Variants in FREM1 observed in about 807,000 individuals in gnomAD.
FREM1 encodes FRAS1 related extracellular matrix 1.
In FREM1, 220 loss-of-function variants were observed where a neutral mutation model predicts 210.1. That is an observed-to-expected ratio of 1.05 (90% CI 0.94 to 1.17). The LOEUF (loss-of-function observed/expected upper bound fraction) is 1.17, where lower values mean the gene tolerates loss of function less well. Ranked by LOEUF, FREM1 falls within the 50% of genes most tolerant of loss-of-function variation. FREM1 has a pLI of 0.00. For synonymous variants in FREM1, 1,189 were observed against 980.2 expected (o/e 1.21, Z -3.98); for missense variants, 3,454 against 2,675.5 (o/e 1.29, Z -6.42).
intron 10 of FREM1, among the ~76,000 whole-genome samples, chr9:14,825,757 C>T (rs1822331480): frequency 6.6e-6 from 1 of 151,788 alleles, no homozygotes; most frequent in African/African-American, 2.4e-5. Flanking sequence ...TCTCCACCCA[C>T]ATATAACACA....
At position 14,851,083 on chromosome 9, in the gene FREM1, C is replaced by T. The variant is rs551157667; in HGVS notation, c.1152+201G>A. Among the ~76,000 whole-genome samples the T allele has an allele frequency of 7.9e-5, 12 of 152,278 alleles. No homozygotes were observed. In the East Asian group the frequency reaches 2.3e-3, roughly 29 times the overall value. ...AGGGGATGGCTCTTTCTTCAGTTTG[C>T]CACAGTGCCCCTCAGTGGGGTTTGC... On this transcript the variant is annotated intron_variant, in intron 6 of 36. Coordinates refer to ENST00000380880, the MANE Select transcript of FREM1 (RefSeq NM_001379081.2).
At chr9:14,814,856 T>C (rs1820021779) in intron 15 of FREM1, among the ~76,000 whole-genome samples, 1 of 152,232 alleles carries the variant, frequency 6.6e-6, no homozygotes, top group Non-Finnish European at 1.5e-5. Context: ...AAGACCATCC[T>C]CTTGTGTTTA....
At chr9:14,824,157 T>C (rs757598241) in intron 11 of FREM1, 42 bp from the exon 12 acceptor site, 5 of 1,288,916 alleles carry the variant, frequency 3.9e-6, no homozygotes, top group Non-Finnish European at 5.5e-6. Flanking sequence ...CATTTTTAGG[T>C]AAGAAAAATG....
chr9:14,846,235 C>A, intron 7 of FREM1, 144 bp from the exon 8 acceptor site: 1 of 598,650 alleles, frequency 1.7e-6, no homozygotes, highest in Non-Finnish European at 2.9e-6. Context: ...TGGAAACCAT[C>A]ATCCTCAGCA....
At chr9:14,875,076 C>T (rs1833439636) in intron 1 of FREM1, among the ~76,000 whole-genome samples, 2 of 152,122 alleles carry the variant, frequency 1.3e-5, no homozygotes, top group Admixed American at 1.3e-4. Flanking sequence ...GATAACCCGA[C>T]CTTTCTCTCT....
At chr9:14,757,022 C>G (rs772234090) in intron 28 of FREM1, among the ~76,000 whole-genome samples, 3 of 152,098 alleles carry the variant, frequency 2.0e-5, no homozygotes, top group African/African-American at 7.2e-5. Flanking sequence ...TTTTGTGGAA[C>G]CGGAAGACCT....
At chr9:14,774,255 C>T (rs550579000) in intron 25 of FREM1, 9 of 470,018 alleles carry the variant, frequency 1.9e-5, no homozygotes, top group South Asian at 6.5e-5. Context: ...GATGGGATTA[C>T]GTTTACATCA....
chr9:14,741,272 A>G (rs967036681), intron 35 of FREM1, among the ~76,000 whole-genome samples: 3 of 152,330 alleles, frequency 2.0e-5, no homozygotes, highest in African/African-American at 7.2e-5. Context: ...TATTTTGCCT[A>G]TGTCTTTTCA....
intron 1 of FREM1, among the ~76,000 whole-genome samples, chr9:14,878,921 C>T (rs200393829): frequency 6.6e-6 from 1 of 151,872 alleles, no homozygotes; most frequent in Non-Finnish European, 1.5e-5. Context: ...TTGGGGAGGC[C>T]GAGGCAGGCA....
chr9:14,806,989 T>G (rs1188781212), intron 17 of FREM1, 143 bp from the exon 18 acceptor site: 1 of 538,598 alleles, frequency 1.9e-6, no homozygotes, highest in African/African-American at 1.9e-5. Context: ...TTCATTTTCT[T>G]TGGCATCATT....
intron 19 of FREM1, among the ~76,000 whole-genome samples, chr9:14,803,174 C>G (rs1817629883): frequency 7.3e-6 from 1 of 136,570 alleles, no homozygotes. Flanking sequence ...TTCTTTCTCT[C>G]TTTCCCTCCT....
intron 1 of FREM1, among the ~76,000 whole-genome samples, chr9:14,886,259 C>T (rs10118698): frequency 0.073 from 11,130 of 151,848 alleles, 516 homozygotes; most frequent in African/African-American, 0.12. Flanking sequence ...ATGGCACACG[C>T]CTGTAAATCC....
At chr9:14,816,943 G>C (rs1820416104) in intron 14 of FREM1, 72 bp from the exon 15 acceptor site, 3 of 476,916 alleles carry the variant, frequency 6.3e-6, no homozygotes, top group Non-Finnish European at 1.1e-5. Context: ...TGATACATGA[G>C]CTCTTCCAAG....
At chr9:14,742,213 C>T (rs1430011058) in intron 35 of FREM1, among the ~76,000 whole-genome samples, 5 of 152,082 alleles carry the variant, frequency 3.3e-5, no homozygotes, top group Non-Finnish European at 5.9e-5. Flanking sequence ...GAAACAGAAG[C>T]TTTAATTTTT....
intron 1 of FREM1, among the ~76,000 whole-genome samples, chr9:14,869,573 G>A (rs1281081302): frequency 1.3e-5 from 2 of 152,192 alleles, no homozygotes; most frequent in African/African-American, 4.8e-5. Flanking sequence ...TTCATAGACA[G>A]TTGTCAAACT....
rs138891458 is a variant in FREM1 at position 14,850,031 on chromosome 9, C to T, written c.1152+1253G>A. Among the ~76,000 whole-genome samples, 7 of 152,232 alleles carry T rather than the reference C, an allele frequency of 4.6e-5. No homozygotes were observed. In the East Asian group the frequency reaches 9.6e-4, roughly 21 times the overall value. On this transcript the variant is annotated intron_variant, in intron 6 of 36. Transcript: ENST00000380880. ...CCTTGAGGCTACATGCTGAAAATGC[C>T]GAAATTACAATAGAGATAACCCCAG...
intron 3 of FREM1, among the ~76,000 whole-genome samples, chr9:14,862,068 G>T (rs1486796432): frequency 6.6e-6 from 1 of 152,218 alleles, no homozygotes; most frequent in Non-Finnish European, 1.5e-5. Flanking sequence ...GGCCCTGTAT[G>T]CTGATTTCAT....
chr9:14,775,118 A>G (rs1848323709), intron 25 of FREM1, among the ~76,000 whole-genome samples: 1 of 152,224 alleles, frequency 6.6e-6, no homozygotes, highest in African/African-American at 2.4e-5. Flanking sequence ...ACCTAATCCT[A>G]CTGAATTCTC....
chr9:14,773,887 C>G (rs1027400899), intron 25 of FREM1, among the ~76,000 whole-genome samples: 15 of 151,896 alleles, frequency 9.9e-5, no homozygotes, highest in Admixed American at 1.3e-4. Context: ...GAATTTGCAG[C>G]CAAAGAGACC....
Sources: gnomAD v4.1 joint callset for allele counts (sites outside exome capture counted in the v4.1 genomes callset) on GRCh38, gnomAD v4.1.1 for gene constraint, MANE v1.5 for transcripts, NCBI Gene and HGNC (gene_info 2026-07-23, HGNC 2026-07-21) for gene names.